Variants in ABCC1 observed in about 807,000 individuals in gnomAD.
ABCC1 encodes the protein multidrug resistance-associated protein 1.
ABCC1 carries 83 observed loss-of-function variants against 172.9 expected under a neutral mutation model. The observed-to-expected ratio is 0.48, with a 90% confidence interval of 0.40 to 0.58. ABCC1 has a LOEUF of 0.58. Ranked by LOEUF, ABCC1 falls within the 20% of genes least tolerant of loss-of-function variation. ABCC1 has a pLI of 0.00. For synonymous variants in ABCC1, 937 were observed against 825.2 expected (o/e 1.14, Z -2.32); for missense variants, 1,817 against 2,002.7 (o/e 0.91, Z 1.77).
intron 10 of ABCC1, among the ~76,000 whole-genome samples, chr16:16,050,778 C>A (rs1424114182): frequency 7.3e-5 from 11 of 150,506 alleles, no homozygotes; most frequent in Admixed American, 6.7e-4. Context: ...TGGTGCCTAC[C>A]TGTGGTCCCA....
intron 1 of ABCC1, among the ~76,000 whole-genome samples, chr16:15,994,790 G>A (rs954845617): frequency 2.0e-5 from 3 of 150,852 alleles, no homozygotes; most frequent in African/African-American, 7.3e-5. Flanking sequence ...GCAATATGAA[G>A]TCTTGCTCTG....
At position 16,142,722 on chromosome 16, in the gene ABCC1, T is replaced by G. The variant is rs1266955077; in HGVS notation, c.*1441T>G. The G allele has an allele frequency of 6.6e-6, 1 of 152,166 alleles. No individual in the cohort carries two copies. The highest frequency in any genetic ancestry group is 1.5e-5 in the Non-Finnish European group (1 of 68,030). The allele number at this position is 152,166 out of a possible 1,614,324, so 9.4% of individuals were successfully genotyped here. On this transcript the variant is annotated 3_prime_UTR_variant, in exon 31 of 31. Coordinates refer to ENST00000399410, the MANE Select transcript of ABCC1 (RefSeq NM_004996.4). ...AGGAAATAGTGAGAAGCTCGCCCTG[T>G]GTTTGAAACCGTGTTGGTCTCTGTG...
intron 5 of ABCC1, among the ~76,000 whole-genome samples, chr16:16,024,386 C>G (rs1176219048): frequency 4.6e-5 from 7 of 152,130 alleles, no homozygotes; most frequent in Non-Finnish European, 1.0e-4. Flanking sequence ...GAGTTTCACT[C>G]TGTCACCAAG....
In ABCC1 at chr16:15,969,533, C is replaced by T. The variant is rs530926339; in HGVS notation, c.48+19734C>T. Among the ~76,000 whole-genome samples, 18 of 152,070 alleles carry T rather than the reference C, an allele frequency of 1.2e-4. No individual in the cohort carries two copies. In the East Asian group the frequency reaches 1.4e-3, roughly 11 times the overall value. ...GATTACAGGCATGTGCCACCACGCC[C>T]GGCTACTTTTTGTATTTTTAGTAGA... is the stretch of plus-strand genomic sequence containing the variant. On this transcript the variant is annotated intron_variant, in intron 1 of 30. Coordinates refer to ENST00000399410, the MANE Select transcript of ABCC1 (RefSeq NM_004996.4).
At chr16:16,119,973 C>T (rs561894297) in intron 23 of ABCC1, among the ~76,000 whole-genome samples, 11 of 152,202 alleles carry the variant, frequency 7.2e-5, no homozygotes, top group Non-Finnish European at 4.4e-5. Context: ...GATCCACATT[C>T]CAGGAATTGG....
At chr16:15,993,748 A>T (rs1057227415) in intron 1 of ABCC1, among the ~76,000 whole-genome samples, 1 of 8,668 alleles carries the variant, frequency 1.2e-4, no homozygotes, top group Non-Finnish European at 2.0e-4. Context: ...CACTGCTCAC[A>T]TGCGGGGGTG....
chr16:15,957,712 C>A (rs547300213), intron 1 of ABCC1, among the ~76,000 whole-genome samples: 1 of 152,316 alleles, frequency 6.6e-6, no homozygotes, highest in African/African-American at 2.4e-5. Context: ...TCTGCCTCAG[C>A]CTCCCCAGTA....
intron 1 of ABCC1, among the ~76,000 whole-genome samples, chr16:15,964,347 G>T (rs973038423): frequency 2.0e-5 from 3 of 152,190 alleles, no homozygotes; most frequent in Non-Finnish European, 2.9e-5. Flanking sequence ...AAGTTCCACA[G>T]ATCTCTAGGG....
At chr16:16,087,930 C>T (rs1164134661) in intron 18 of ABCC1, among the ~76,000 whole-genome samples, 1 of 151,918 alleles carries the variant, frequency 6.6e-6, no homozygotes, top group Non-Finnish European at 1.5e-5. Flanking sequence ...TATCTTGTTC[C>T]ACGTATATAT....
intron 5 of ABCC1, among the ~76,000 whole-genome samples, chr16:16,030,465 C>T (rs2048523961): frequency 6.6e-6 from 1 of 152,100 alleles, no homozygotes; most frequent in Admixed American, 6.5e-5. Flanking sequence ...GCGGAGTTTG[C>T]AGTGAGCCAA....
At chr16:16,132,411 C>G (rs780617790) in intron 27 of ABCC1, among the ~76,000 whole-genome samples, 2 of 151,254 alleles carry the variant, frequency 1.3e-5, no homozygotes, top group South Asian at 2.1e-4. Flanking sequence ...TGAGCTCAAC[C>G]GGTCTGCCCG....
At chr16:16,108,998 G>T (rs1458158211) in intron 21 of ABCC1, among the ~76,000 whole-genome samples, 2 of 151,984 alleles carry the variant, frequency 1.3e-5, no homozygotes, top group East Asian at 1.9e-4. Context: ...CAACTTGGCC[G>T]CATGACAAAG....
At chr16:16,082,501 C>G (rs550038822) in intron 16 of ABCC1, among the ~76,000 whole-genome samples, 1 of 152,314 alleles carries the variant, frequency 6.6e-6, no homozygotes, top group Non-Finnish European at 1.5e-5. Flanking sequence ...TTACTCTAGC[C>G]TTTATTCTCA....
rs45467491 is a variant in ABCC1 at position 16,008,515 on chromosome 16, T to G, written c.225+523T>G. Among the ~76,000 whole-genome samples the G allele has an allele frequency of 5.9e-4, 90 of 151,860 alleles. 1 individual carries two copies. Among genetic ancestry groups the G allele is most frequent in the African/African-American group, 1.7e-3 (69 of 41,482 alleles). On this transcript the variant is annotated intron_variant, in intron 2 of 30. Coordinates refer to ENST00000399410, the MANE Select transcript of ABCC1 (RefSeq NM_004996.4). ...CCACCACGCCTGGCCCCTAATTTTT[T>G]TTTTAAGTTGGCTTTTATTTTGAAA...
At chr16:16,125,951 G>A (rs962111309) in intron 26 of ABCC1, 40 bp downstream of exon 26, 2 of 1,517,290 alleles carry the variant, frequency 1.3e-6, no homozygotes, top group African/African-American at 1.4e-5. Context: ...GGTCTTTGGT[G>A]TAGCTTTACC....
At chr16:15,965,590 C>T (rs1477745684) in intron 1 of ABCC1, among the ~76,000 whole-genome samples, 2 of 151,426 alleles carry the variant, frequency 1.3e-5, no homozygotes, top group African/African-American at 4.9e-5. Context: ...CTGTGCCCAG[C>T]CCCTTTCTCC....
intron 11 of ABCC1, among the ~76,000 whole-genome samples, chr16:16,053,295 T>C (rs2049507824): frequency 6.6e-6 from 1 of 152,108 alleles, no homozygotes; most frequent in South Asian, 2.1e-4. Context: ...TTAAAATAAT[T>C]AATTTCTAAA....
At chr16:16,017,398 T>A (rs1022224833) in intron 5 of ABCC1, among the ~76,000 whole-genome samples, 1 of 151,930 alleles carries the variant, frequency 6.6e-6, no homozygotes, top group African/African-American at 2.4e-5. Flanking sequence ...GCCTGGCTAA[T>A]TTTTTTTCTT....
intron 20 of ABCC1, chr16:16,105,600 T>C (rs2052047711): frequency 6.6e-6 from 1 of 152,212 alleles, no homozygotes; most frequent in Non-Finnish European, 1.5e-5. Context: ...TGACCTCAGT[T>C]AGCTTATAAT....
Sources: allele counts gnomAD v4.1 joint callset (sites outside exome capture counted in the v4.1 genomes callset), GRCh38; gene constraint gnomAD v4.1.1; transcripts MANE v1.5; gene names NCBI Gene and HGNC (gene_info 2026-07-23, HGNC 2026-07-21).